CADPS: variants seen among roughly 807,000 people sequenced by gnomAD.
CADPS encodes calcium-dependent secretion activator 1.
In CADPS, 57 loss-of-function variants were observed where a neutral mutation model predicts 167.3. The observed-to-expected ratio is 0.34, with a 90% CI of 0.28 to 0.42. The LOEUF (loss-of-function observed/expected upper bound fraction) is 0.42, where lower values mean the gene tolerates loss of function less well. CADPS is among the 20% of genes least tolerant of loss of function. The pLI is 1.00. For synonymous variants in CADPS, 676 were observed against 635.3 expected, an observed-to-expected ratio of 1.06 and a Z score of -0.96; for missense variants, 1,414 against 1,738.1, an observed-to-expected ratio of 0.81 and a Z score of 3.32.
chr3:62,585,420 C>A, intron 7 of CADPS, 96 bp from the exon 8 acceptor site: 1 of 1,265,680 alleles, frequency 7.9e-7, no homozygotes, highest in Non-Finnish European at 1.1e-6. Flanking sequence ...GTGACTTGAA[C>A]AATTCCCACT....
intron 3 of CADPS, among the ~76,000 whole-genome samples, chr3:62,669,388 T>C (rs2150719518): frequency 6.6e-6 from 1 of 152,294 alleles, no homozygotes; most frequent in Non-Finnish European, 1.5e-5. Context: ...GTCTGGAAAG[T>C]TACAGCTGGG....
At chr3:62,873,112 G>A (rs2082940332) in intron 1 of CADPS, among the ~76,000 whole-genome samples, 1 of 152,190 alleles carries the variant, frequency 6.6e-6, no homozygotes. Flanking sequence ...GGAGAGTCTT[G>A]TGTGTAACCC....
intron 1 of CADPS, among the ~76,000 whole-genome samples, chr3:62,860,986 T>C (rs2080690302): frequency 6.6e-6 from 1 of 152,178 alleles, no homozygotes; most frequent in Non-Finnish European, 1.5e-5. Flanking sequence ...TATTTTAGTG[T>C]GCTTGGGCAC....
At chr3:62,824,809 A>C (rs2073736868) in intron 1 of CADPS, among the ~76,000 whole-genome samples, 1 of 152,170 alleles carries the variant, frequency 6.6e-6, no homozygotes, top group Admixed American at 6.6e-5. Flanking sequence ...CTCTCTAATG[A>C]GAGGTTCTTT....
At chr3:62,675,991 A>G (rs1044056379) in intron 3 of CADPS, among the ~76,000 whole-genome samples, 2 of 80,340 alleles carry the variant, frequency 2.5e-5, no homozygotes, top group African/African-American at 6.3e-5. Context: ...AGAAGGAACA[A>G]AAACGTATGC....
chr3:62,792,224 G>A (rs913014164), intron 1 of CADPS, among the ~76,000 whole-genome samples: 2 of 150,696 alleles, frequency 1.3e-5, no homozygotes, highest in African/African-American at 4.9e-5. Context: ...TTGAGATAGG[G>A]TCTTGCTCTG....
chr3:62,819,071 T>C (rs145898818), intron 1 of CADPS, among the ~76,000 whole-genome samples: 2 of 152,196 alleles, frequency 1.3e-5, no homozygotes, highest in East Asian at 3.9e-4. Context: ...GAGGGAACTT[T>C]CTAGAGTGAT....
intron 6 of CADPS, among the ~76,000 whole-genome samples, chr3:62,598,826 A>G (rs956744767): frequency 2.0e-5 from 3 of 152,166 alleles, no homozygotes; most frequent in Admixed American, 1.3e-4. Flanking sequence ...TTAAATCAAC[A>G]TGAGTTACCT....
chr3:62,679,751 T>C (rs958825855), intron 3 of CADPS, among the ~76,000 whole-genome samples: 1 of 152,076 alleles, frequency 6.6e-6, no homozygotes, highest in Non-Finnish European at 1.5e-5. Flanking sequence ...AGGGAGGTTA[T>C]GAGCTTTAAG....
At chr3:62,562,093 T>C (rs781162440) in intron 9 of CADPS, among the ~76,000 whole-genome samples, 7 of 152,018 alleles carry the variant, frequency 4.6e-5, no homozygotes, top group Non-Finnish European at 8.8e-5. Context: ...AAAAGAGAGG[T>C]ATATGGTACT....
chr3:62,715,847 C>T (rs77744849), intron 3 of CADPS, among the ~76,000 whole-genome samples: 10,252 of 79,854 alleles, frequency 0.13, 506 homozygotes, highest in Non-Finnish European at 0.19. Context: ...AGCTCCGCCT[C>T]CCGGGTTCAT....
At position 62,478,505 on chromosome 3, in the gene CADPS, C is replaced by A. The variant is rs2061588321; in HGVS notation, c.3174-89G>T. The A allele has an allele frequency of 8.2e-7, 1 of 1,217,468 alleles. No individual in the cohort carries two copies. The highest frequency in any genetic ancestry group is 1.2e-6 in the Non-Finnish European group (1 of 862,202). The allele number at this position is 1,217,468 out of a possible 1,614,324, so 75.4% of individuals were successfully genotyped here. The stretch of plus-strand genomic sequence containing the variant: ...ACAGAGACAACTGGGGGCTAGAAGG[C>A]AAACAGCAGCTTCAACATACAAAAC... On this transcript the variant is annotated intron_variant, in intron 22 of 29. Transcript: ENST00000383710. This position sits in a 1 kb window ranked among gnomAD's most constrained non-coding sequence, Gnocchi z 5.7.
In CADPS at chr3:62,437,009, T is replaced by TAC. The variant is rs557964070; in HGVS notation, c.3777+1093_3777+1094dup. 3.2e-3 allele frequency among the ~76,000 whole-genome samples: 475 copies of TAC among 148,968 alleles called. 3 individuals carry two copies. Among genetic ancestry groups the TAC allele is most frequent in the Non-Finnish European group, 2.9e-3 (195 of 67,138 alleles). On this transcript the variant is annotated intron_variant, in intron 28 of 29. Transcript: ENST00000383710. Reference sequence around the variant, plus strand: ...GCTGTGGAACAAAAACACACACACATACACACACACACAAACTCAATGTAA... The same window carrying TAC: ...GCTGTGGAACAAAAACACACACACATACACACACACACACAAACTCAATGTAA...
chr3:62,727,441 T>C (rs1452408165), intron 3 of CADPS, among the ~76,000 whole-genome samples: 1 of 151,868 alleles, frequency 6.6e-6, no homozygotes, highest in Non-Finnish European at 1.5e-5. Flanking sequence ...CTGTGGAGCA[T>C]TGTTGATTTT....
At chr3:62,452,953 A>AAAAC (rs112116630) in intron 26 of CADPS, among the ~76,000 whole-genome samples, 2,161 of 152,066 alleles carry the variant, frequency 0.014, 49 homozygotes, top group African/African-American at 0.048. Flanking sequence ...AGTTTCTACA[A>AAAAC]AAACAAACAA....
intron 26 of CADPS, among the ~76,000 whole-genome samples, chr3:62,459,569 T>A (rs1481528196): frequency 6.6e-6 from 1 of 152,214 alleles, no homozygotes; most frequent in Non-Finnish European, 1.5e-5. Context: ...AAACTCTACT[T>A]ATTTTTTAGG....
At chr3:62,743,863 G>A (rs887463904) in intron 3 of CADPS, among the ~76,000 whole-genome samples, 1 of 152,150 alleles carries the variant, frequency 6.6e-6, no homozygotes, top group Non-Finnish European at 1.5e-5. Context: ...GGAAAAAAGA[G>A]CAGACCAAAT....
chr3:62,607,146 C>T (rs1006253273), intron 6 of CADPS, among the ~76,000 whole-genome samples: 1 of 152,138 alleles, frequency 6.6e-6, no homozygotes, highest in Non-Finnish European at 1.5e-5. Flanking sequence ...TATGCAGTGC[C>T]CAGAGATATT....
chr3:62,697,823 T>C lies in CADPS; in HGVS notation c.889-35429A>G, dbSNP rs921191951. ...TTGCAGCAATAAGGTGGTATCACATTGTGGTTTTGATTTGCATTTCTCTAA... is the reference window on the plus strand; with the variant it reads ...TTGCAGCAATAAGGTGGTATCACATCGTGGTTTTGATTTGCATTTCTCTAA... On this transcript the variant is annotated intron_variant, in intron 3 of 29. Coordinates refer to ENST00000383710, the MANE Select transcript of CADPS (RefSeq NM_003716.4). Among the ~76,000 whole-genome samples, 3 of 152,160 alleles carry C rather than the reference T, an allele frequency of 2.0e-5. No individual in the cohort carries two copies. The South Asian group carries it at 6.2e-4, about 31-fold the overall frequency.
Sources: gnomAD v4.1 joint callset for allele counts (sites outside exome capture counted in the v4.1 genomes callset) on GRCh38, gnomAD v4.1.1 for gene constraint, Gnocchi (gnomAD v3.1) non-coding constraint, MANE v1.5 for transcripts, NCBI Gene and HGNC (gene_info 2026-07-23, HGNC 2026-07-21) for gene names.